Variants in TRPS1 observed in about 807,000 individuals in gnomAD.
The protein encoded by TRPS1 is transcriptional repressor GATA binding 1.
Under a neutral mutation model 101.2 loss-of-function variants are expected in TRPS1, and 6 were observed. The ratio of observed to expected loss-of-function variants is 0.06; its 90% CI spans 0.03 to 0.12. The LOEUF is 0.12. Among genes scored for constraint, TRPS1 ranks in the 10% least tolerant of loss-of-function variants. The probability of loss-of-function intolerance (pLI) is 1.00; values close to 1 mark genes in which losing one functional copy is unlikely to be tolerated. For synonymous variants in TRPS1, 578 were observed against 589.8 expected (o/e 0.98, Z 0.29); for missense variants, 1,363 against 1,567.0 (o/e 0.87, Z 2.20).
chr8:115,519,084 T>C (rs1390551301), intron 5 of TRPS1, among the ~76,000 whole-genome samples: 3 of 151,824 alleles, frequency 2.0e-5, no homozygotes, highest in South Asian at 2.1e-4. Context: ...ATTATCCTTA[T>C]GGTAATATTT....
At chr8:115,507,242 T>G (rs1368722007) in intron 5 of TRPS1, among the ~76,000 whole-genome samples, 1 of 151,952 alleles carries the variant, frequency 6.6e-6, no homozygotes, top group Non-Finnish European at 1.5e-5. Flanking sequence ...CAATTAGGGC[T>G]CGTACGAGAA....
intron 5 of TRPS1, among the ~76,000 whole-genome samples, chr8:115,547,314 CCTCT>C (rs921621629): frequency 4.6e-5 from 7 of 151,860 alleles, no homozygotes; most frequent in African/African-American, 1.5e-4. Flanking sequence ...TCCCTTTCTC[CCTCT>C]CTCTCTTCCC....
chr8:115,534,087 C>A (rs1045075845), intron 5 of TRPS1, among the ~76,000 whole-genome samples: 2 of 152,068 alleles, frequency 1.3e-5, no homozygotes, highest in East Asian at 3.9e-4. Context: ...TACCATCACA[C>A]TGGAGGCTGA....
intron 5 of TRPS1, among the ~76,000 whole-genome samples, chr8:115,572,264 T>A (rs1329762090): frequency 6.6e-6 from 1 of 152,108 alleles, no homozygotes; most frequent in Non-Finnish European, 1.5e-5. Flanking sequence ...TAACATAGAT[T>A]TTTAGTTGGA....
At chr8:115,647,040 A>G (rs539184830) in intron 1 of TRPS1, among the ~76,000 whole-genome samples, 38 of 152,304 alleles carry the variant, frequency 2.5e-4, no homozygotes, top group African/African-American at 7.0e-4. Flanking sequence ...CGAAGAAATC[A>G]AGAGATAAAT....
intron 5 of TRPS1, among the ~76,000 whole-genome samples, chr8:115,565,752 C>T (rs1467613490): frequency 6.6e-6 from 1 of 152,020 alleles, no homozygotes; most frequent in African/African-American, 2.4e-5. Context: ...TAAAATTTAA[C>T]CATAGCTTTA....
chr8:115,645,837 T>C (rs765023919), intron 1 of TRPS1, among the ~76,000 whole-genome samples: 5 of 152,160 alleles, frequency 3.3e-5, no homozygotes, highest in Admixed American at 1.3e-4. Context: ...CTCGGCACTA[T>C]TGAATACCAA....
At chr8:115,417,887 T>G (rs1812960613) in intron 6 of TRPS1, among the ~76,000 whole-genome samples, 1 of 152,186 alleles carries the variant, frequency 6.6e-6, no homozygotes, top group Non-Finnish European at 1.5e-5. Context: ...AGATAACACT[T>G]GTGAATTCCG....
At chr8:115,549,609 T>G (rs1816656584) in intron 5 of TRPS1, among the ~76,000 whole-genome samples, 1 of 151,616 alleles carries the variant, frequency 6.6e-6, no homozygotes, top group Non-Finnish European at 1.5e-5. Context: ...CCCAAATGTT[T>G]GCAGCTACTC....
intron 5 of TRPS1, among the ~76,000 whole-genome samples, chr8:115,569,193 T>C (rs1197363916): frequency 6.6e-6 from 1 of 152,110 alleles, no homozygotes; most frequent in Non-Finnish European, 1.5e-5. Context: ...CCTTCCTCTC[T>C]GCATGAATTC....
At chr8:115,508,600 G>C (rs193188878) in intron 5 of TRPS1, among the ~76,000 whole-genome samples, 1 of 152,020 alleles carries the variant, frequency 6.6e-6, no homozygotes, top group African/African-American at 2.4e-5. Context: ...TCTTCTAATT[G>C]CATTTAGTTC....
intron 5 of TRPS1, among the ~76,000 whole-genome samples, chr8:115,461,594 GAACT>G (rs879518955): frequency 2.0e-5 from 3 of 152,138 alleles, no homozygotes; most frequent in Admixed American, 6.5e-5. Flanking sequence ...ATGAACACCT[GAACT>G]AACTATGTTT....
intron 1 of TRPS1, among the ~76,000 whole-genome samples, chr8:115,635,386 C>T (rs1414791136): frequency 6.6e-6 from 1 of 152,026 alleles, no homozygotes; most frequent in Non-Finnish European, 1.5e-5. Flanking sequence ...GCAAACTGAC[C>T]AAGTGATATG....
intron 5 of TRPS1, among the ~76,000 whole-genome samples, chr8:115,455,118 G>A (rs1813983866): frequency 6.6e-6 from 1 of 152,206 alleles, no homozygotes; most frequent in African/African-American, 2.4e-5. Context: ...ACTTTAAGGT[G>A]TAAGTGTTCT....
At chr8:115,545,472 A>G (rs981345643) in intron 5 of TRPS1, among the ~76,000 whole-genome samples, 3 of 152,176 alleles carry the variant, frequency 2.0e-5, no homozygotes, top group African/African-American at 7.2e-5. Flanking sequence ...CACTATGCCT[A>G]AGAGCCTTGG....
At chr8:115,665,421 G>C (rs932078695) in intron 1 of TRPS1, among the ~76,000 whole-genome samples, 8 of 152,072 alleles carry the variant, frequency 5.3e-5, no homozygotes, top group African/African-American at 1.7e-4. Context: ...TACTAGAATC[G>C]TAAAAGCTGC....
intron 5 of TRPS1, among the ~76,000 whole-genome samples, chr8:115,504,757 T>C (rs970448870): frequency 1.3e-5 from 2 of 152,234 alleles, no homozygotes. Context: ...CACAAAAGAT[T>C]GTTGCTTTTG....
rs532290712 is a variant in TRPS1 at position 115,603,849 on chromosome 8, C to T, written c.2096+24G>A. 49 of 1,613,418 alleles carry T rather than the reference C, an allele frequency of 3.0e-5. 1 individual carries two copies. In the South Asian group the frequency reaches 5.4e-4, roughly 18 times the overall value. ...CTATTATTTTATTTGTATATTCCTCCCGACCCCACCCCCCATGCCTCACCT... is the reference window on the plus strand; with the variant it reads ...CTATTATTTTATTTGTATATTCCTCTCGACCCCACCCCCCATGCCTCACCT... On this transcript the variant is annotated intron_variant, in intron 4 of 6. Coordinates refer to ENST00000395715, the MANE Select transcript of TRPS1 (RefSeq NM_014112.5).
chr8:115,576,689 G>A (rs1344663091), intron 5 of TRPS1, among the ~76,000 whole-genome samples: 1 of 152,030 alleles, frequency 6.6e-6, no homozygotes, highest in Non-Finnish European at 1.5e-5. Flanking sequence ...AATACAGGCA[G>A]GCCTGAACCA....
Sources: allele counts gnomAD v4.1 joint callset (sites outside exome capture counted in the v4.1 genomes callset), GRCh38; gene constraint gnomAD v4.1.1; transcripts MANE v1.5; gene names NCBI Gene and HGNC (gene_info 2026-07-23, HGNC 2026-07-21).